The following VPS53 variants were observed in gnomAD, a reference collection of about 807,000 sequenced individuals.
VPS53 encodes vacuolar protein sorting-associated protein 53 homolog.
A neutral mutation model predicts 107.0 loss-of-function variants in VPS53; 70 were observed. The ratio of observed to expected loss-of-function variants is 0.65; its 90% CI spans 0.54 to 0.80. The LOEUF (loss-of-function observed/expected upper bound fraction) is 0.80. VPS53 is among the 30% of genes least tolerant of loss of function. The pLI, the probability that VPS53 is intolerant of heterozygous loss-of-function variation, is 0.00. For synonymous variants in VPS53, 409 were observed against 393.3 expected (o/e 1.04, Z -0.47); for missense variants, 917 against 1,049.4 (o/e 0.87, Z 1.74).
At chr17:578,765 CAT>C (rs1914890853) in intron 13 of VPS53, among the ~76,000 whole-genome samples, 1 of 151,178 alleles carries the variant, frequency 6.6e-6, no homozygotes, top group African/African-American at 2.4e-5. Context: ...TCCCAGAGAA[CAT>C]CCCTCAGAAC....
intron 11 of VPS53, among the ~76,000 whole-genome samples, chr17:611,161 C>T (rs1002341762): frequency 2.6e-5 from 4 of 151,916 alleles, no homozygotes; most frequent in Admixed American, 2.6e-4. Context: ...TTATAGGCAC[C>T]CGCCACCACG....
At chr17:540,791 C>G (rs1910574396) in intron 17 of VPS53, among the ~76,000 whole-genome samples, 1 of 152,094 alleles carries the variant, frequency 6.6e-6, no homozygotes, top group African/African-American at 2.4e-5. Flanking sequence ...GTTTAACCAC[C>G]ACAAGAAGAG....
At chr17:682,327 T>A (rs1322737406) in intron 4 of VPS53, among the ~76,000 whole-genome samples, 1 of 151,840 alleles carries the variant, frequency 6.6e-6, no homozygotes, top group Non-Finnish European at 1.5e-5. Flanking sequence ...GCAGAAAGAG[T>A]GCTGCTCTTA....
intron 14 of VPS53, among the ~76,000 whole-genome samples, chr17:561,462 T>C (rs1369096520): frequency 6.6e-6 from 1 of 152,132 alleles, no homozygotes; most frequent in Non-Finnish European, 1.5e-5. Flanking sequence ...ACGATGAAGT[T>C]AAACGGTAGC....
intron 2 of VPS53, among the ~76,000 whole-genome samples, chr17:700,283 C>G (rs1597504012): frequency 6.6e-6 from 1 of 152,254 alleles, no homozygotes; most frequent in Non-Finnish European, 1.5e-5. Flanking sequence ...TGGCTCACGC[C>G]TGTAATCCCA....
At chr17:673,708 G>C (rs1277999480) in intron 4 of VPS53, 1 of 152,236 alleles carries the variant, frequency 6.6e-6, no homozygotes, top group Non-Finnish European at 1.5e-5. Flanking sequence ...AGTATAAGAA[G>C]GCTTTATTTA....
In VPS53 at chr17:699,335, T is replaced by C; in HGVS notation, c.214A>G (p.Ile72Val). 1 of 1,578,482 alleles carries C rather than the reference T, an allele frequency of 6.3e-7. No homozygotes were observed. The highest frequency in any genetic ancestry group is 8.6e-7 in the Non-Finnish European group (1 of 1,167,008). ...DEVVNKIRLK[I>V]RRLDDNIRTV... ...CAATCACACAGCTTTACTCACCTTA[T>C]TTTCAGCCTAATTTTGTTCACGACT... is the stretch of plus-strand genomic sequence containing the variant. Residue 72 changes from isoleucine to valine, a missense_variant, in exon 3 of 22, where the codon ATA becomes GTA. Ile to Val is a conservative substitution (Grantham distance 29). Coordinates refer to ENST00000437048, the MANE Select transcript of VPS53 (RefSeq NM_001128159.3).
At chr17:557,665 GC>G (rs1185016463) in intron 15 of VPS53, among the ~76,000 whole-genome samples, 2 of 152,042 alleles carry the variant, frequency 1.3e-5, no homozygotes, top group African/African-American at 4.8e-5. Flanking sequence ...CAATAAAGGT[GC>G]TAAGAATGTA....
At position 697,456 on chromosome 17, in the gene VPS53, C is replaced by T; in HGVS notation, c.247G>A (p.Val83Ile). The change falls in exon 4 of 22, where the codon GTA becomes ATA. Residue 83 changes from valine (V) to isoleucine (I), a missense_variant. Val to Ile is a conservative substitution (Grantham distance 29). Transcript: ENST00000437048. ...TGCCCCACGTTCGTCTGACCTCTTA[C>T]AACAGTTCGAATATTGTCATCCAGT... ...RRLDDNIRTV[V>I]RGQTNVGQDG... is the part of the protein sequence containing the mutation. 1 of 1,614,026 alleles carries T rather than the reference C, an allele frequency of 6.2e-7. No homozygotes were observed. Among genetic ancestry groups the T allele is most frequent in the Non-Finnish European group, 8.5e-7 (1 of 1,179,886 alleles).
chr17:698,517 C>T (rs942581962), intron 3 of VPS53, among the ~76,000 whole-genome samples: 7 of 151,712 alleles, frequency 4.6e-5, no homozygotes, highest in African/African-American at 1.7e-4. Flanking sequence ...CCAGCCTAGC[C>T]AACAAGGCGA....
chr17:537,215 G>C (rs1454242925), intron 17 of VPS53, 39 bp from the exon 18 acceptor site: 3 of 1,608,234 alleles, frequency 1.9e-6, no homozygotes, highest in Admixed American at 1.7e-5. Context: ...ATCCCTCGCA[G>C]GAGAACGGTG....
At chr17:590,806 C>A (rs1967605687) in intron 12 of VPS53, among the ~76,000 whole-genome samples, 1 of 146,958 alleles carries the variant, frequency 6.8e-6, no homozygotes, top group South Asian at 2.3e-4. Context: ...ATTTTTGCAT[C>A]AATGTTCATC....
At position 623,933 on chromosome 17, in the gene VPS53, G is replaced by GTTTA. The variant is rs139981445; in HGVS notation, c.975-263_975-260dup. Among the ~76,000 whole-genome samples the GTTTA allele has an allele frequency of 1.1e-4, 17 of 148,528 alleles. 1 individual carries two copies. The highest frequency in any genetic ancestry group is 3.4e-3 in the Middle Eastern group (1 of 292). ...TATATATACTTATATTTATTTGTTT[G>GTTTA]TTTATTTATTTATTTATTTATTTGA... On this transcript the variant is annotated intron_variant, in intron 10 of 21. Coordinates refer to ENST00000437048, the MANE Select transcript of VPS53 (RefSeq NM_001128159.3).
chr17:515,059 CTT>C lies in VPS53; in HGVS notation c.*4067_*4068del, dbSNP rs1173168361. On this transcript the variant is annotated 3_prime_UTR_variant, in exon 22 of 22. Transcript: ENST00000437048. The stretch of plus-strand genomic sequence containing the variant: ...CCCCTCAGTAAGAGCAGAGTGAACT[CTT>C]TATTGATTATACAAATTACCACTAT... 1.3e-5 allele frequency: 2 copies of C among 152,188 alleles called. No homozygotes were observed. The highest frequency in any genetic ancestry group is 4.8e-5 in the African/African-American group (2 of 41,440). The allele number at this position is 152,188 out of a possible 1,614,324, so 9.4% of individuals were successfully genotyped here. A position where few individuals can be genotyped will look rare whatever the true frequency, so the allele number is the denominator to read the frequency against.
At chr17:673,374 C>T (rs1333161282) in intron 4 of VPS53, among the ~76,000 whole-genome samples, 1 of 152,218 alleles carries the variant, frequency 6.6e-6, no homozygotes, top group Non-Finnish European at 1.5e-5. Flanking sequence ...CCAGCTGAAA[C>T]AGAGGTGCTT....
At chr17:630,137 T>C (rs1597403757) in intron 8 of VPS53, among the ~76,000 whole-genome samples, 1 of 151,494 alleles carries the variant, frequency 6.6e-6, no homozygotes, top group East Asian at 2.0e-4. Context: ...CTACTAAAAA[T>C]ACAAAAATTA....
chr17:582,141 G>A (rs1192179134), intron 13 of VPS53, among the ~76,000 whole-genome samples: 1 of 149,304 alleles, frequency 6.7e-6, no homozygotes, highest in Non-Finnish European at 1.5e-5. Flanking sequence ...AGTTCCAGGA[G>A]AACTTCCCTC....
intron 4 of VPS53, among the ~76,000 whole-genome samples, chr17:682,888 A>G (rs1972453435): frequency 7.5e-6 from 1 of 134,204 alleles, no homozygotes; most frequent in Non-Finnish European, 1.6e-5. Context: ...TAAAATAACA[A>G]TGAATAATAT....
rs1381027022 is a variant in VPS53 at position 511,084 on chromosome 17, T to C, written c.*8044A>G. 1 of 152,318 alleles carries C rather than the reference T, an allele frequency of 6.6e-6. No individual in the cohort carries two copies. Among genetic ancestry groups the C allele is most frequent in the African/African-American group, 2.4e-5 (1 of 41,470 alleles). 9.4% of individuals were successfully genotyped at this position (152,318 alleles called of 1,614,324 possible). A position where few individuals can be genotyped will look rare whatever the true frequency, so the allele number is the denominator to read the frequency against. ...GGGGACTCTGTGTAAACAGATGTTTTCTTTATATAGCATTTGATATGTATT... is the reference window on the plus strand; with the variant it reads ...GGGGACTCTGTGTAAACAGATGTTTCCTTTATATAGCATTTGATATGTATT... On this transcript the variant is annotated 3_prime_UTR_variant, in exon 22 of 22. Transcript: ENST00000437048.
Sources: gnomAD v4.1 joint callset for allele counts (sites outside exome capture counted in the v4.1 genomes callset) on GRCh38, gnomAD v4.1.1 for gene constraint, MANE v1.5 for transcripts, NCBI Gene and HGNC (gene_info 2026-07-23, HGNC 2026-07-21) for gene names.